The following DDX17 variants were observed in gnomAD, a reference collection of about 807,000 sequenced individuals.
DDX17 encodes DEAD-box helicase 17.
In DDX17, 10 loss-of-function variants were observed where a neutral mutation model predicts 80.8. That is an observed-to-expected ratio of 0.12 (90% confidence interval 0.08 to 0.21). The LOEUF (loss-of-function observed/expected upper bound fraction) is 0.21, where lower values mean the gene tolerates loss of function less well. Among genes scored for constraint, DDX17 ranks in the 10% least tolerant of loss-of-function variants. The pLI is 1.00. For missense variants in DDX17, 586 were observed against 957.4 expected, an observed-to-expected ratio of 0.61 and a Z score of 5.12; for synonymous variants, 339 against 336.2, an observed-to-expected ratio of 1.01 and a Z score of -0.09.
rs772961713 is a variant in DDX17, at chr22:38,499,505, G to GA, written c.439-7dup. 2.6e-5 allele frequency: 41 copies of GA among 1,572,196 alleles called. No individual in the cohort carries two copies. The highest frequency in any genetic ancestry group is 5.5e-5 in the African/African-American group (4 of 72,204). On this transcript the variant is annotated splice_region_variant and splice_polypyrimidine_tract_variant and intron_variant, in intron 2 of 12. Coordinates refer to ENST00000403230, the MANE Select transcript of DDX17 (RefSeq NM_006386.5). ...CGTAGCTCATCAACCTCATACTATTGAAAAAAAATGAAAGAAGTTAGTAAA... is the reference window on the plus strand; with the variant it reads ...CGTAGCTCATCAACCTCATACTATTGAAAAAAAAATGAAAGAAGTTAGTAAA...
chr22:38,501,482 T>C (rs767935090), intron 1 of DDX17, among the ~76,000 whole-genome samples: 2 of 152,184 alleles, frequency 1.3e-5, no homozygotes, highest in South Asian at 2.1e-4. Flanking sequence ...TGTTTATGAA[T>C]ATAGCTACAA....
At position 38,489,530 on chromosome 22, in the gene DDX17, A is replaced by G; in HGVS notation, c.1448-1415T>C. 1.0e-6 allele frequency: 1 copy of G among 984,912 alleles called. No individual in the cohort carries two copies. The highest frequency in any genetic ancestry group is 1.2e-6 in the Non-Finnish European group (1 of 829,398). The allele number at this position is 984,912 out of a possible 1,614,324, so 61.0% of individuals were successfully genotyped here. On this transcript the variant is annotated intron_variant, in intron 11 of 12. Transcript: ENST00000403230. This position sits in a 1 kb window ranked among gnomAD's most constrained non-coding sequence, Gnocchi z 4.6. Reference sequence around the variant, plus strand: ...ATAATTGGGGTGATTGTAGAAAAAAATAATTAATAAAAAAAAATGTAAGTT... The same window carrying G: ...ATAATTGGGGTGATTGTAGAAAAAAGTAATTAATAAAAAAAAATGTAAGTT...
rs900868414 is a variant in DDX17, at chr22:38,489,614, G to A, written c.1448-1499C>T. 6 of 984,900 alleles carry A rather than the reference G, an allele frequency of 6.1e-6. No individual in the cohort carries two copies. The African/African-American group carries it at 8.8e-5, about 14-fold the overall frequency. 61.0% of individuals were successfully genotyped at this position (984,900 alleles called of 1,614,324 possible). On this transcript the variant is annotated intron_variant, in intron 11 of 12. Coordinates refer to ENST00000403230, the MANE Select transcript of DDX17 (RefSeq NM_006386.5). This position sits in a 1 kb window ranked among gnomAD's most constrained non-coding sequence, Gnocchi z 4.6. Reference sequence around the variant, plus strand: ...GACTGGATTAATTTCAAGGGAGAAAGGGGAGATTAAAAAAAAAAAATTAGC... The same window carrying A: ...GACTGGATTAATTTCAAGGGAGAAAAGGGAGATTAAAAAAAAAAAATTAGC...
At chr22:38,486,586 A>G in intron 12 of DDX17, 146 bp from the exon 13 acceptor site, 2 of 1,242,826 alleles carry the variant, frequency 1.6e-6, no homozygotes, top group Middle Eastern at 2.7e-4. Context: ...TACTGTAAAA[A>G]TATACTCATA....
chr22:38,484,598 G>A lies in DDX17; in HGVS notation c.*1337C>T, dbSNP rs1436835353. On this transcript the variant is annotated 3_prime_UTR_variant, in exon 13 of 13. Coordinates refer to ENST00000403230, the MANE Select transcript of DDX17 (RefSeq NM_006386.5). ...GAAGGGGTTTCTGGGGCTGTCTGAT[G>A]TCCCTATCCTGTTGTAGTGAACACA... 2.0e-5 allele frequency: 3 copies of A among 152,206 alleles called. No individual in the cohort carries two copies. Among genetic ancestry groups the A allele is most frequent in the African/African-American group, 7.2e-5 (3 of 41,434 alleles). The allele number at this position is 152,206 out of a possible 1,614,324, so 9.4% of individuals were successfully genotyped here. A position where few individuals can be genotyped will look rare whatever the true frequency, so the allele number is the denominator to read the frequency against.
intron 1 of DDX17, 145 bp downstream of exon 1, chr22:38,505,802 GCGCA>G: frequency 9.7e-7 from 1 of 1,035,422 alleles, no homozygotes; most frequent in Non-Finnish European, 1.4e-6. Flanking sequence ...GCCGAGGTCC[GCGCA>G]CGAAACCGCT....
chr22:38,489,831 G>C lies in DDX17; in HGVS notation c.1448-1716C>G. ...AAGGAAAAAAGAATTTACAGGGCCA[G>C]GGTGGATGTAAGACAGGGGGTGGGG... On this transcript the variant is annotated intron_variant, in intron 11 of 12. Coordinates refer to ENST00000403230, the MANE Select transcript of DDX17 (RefSeq NM_006386.5). The surrounding 1 kb of genome is among the most constrained non-coding windows in gnomAD (Gnocchi z 4.6). 5.1e-6 allele frequency: 5 copies of C among 985,912 alleles called. No individual in the cohort carries two copies. The highest frequency in any genetic ancestry group is 6.0e-6 in the Non-Finnish European group (5 of 830,312). The allele number at this position is 985,912 out of a possible 1,614,324, so 61.1% of individuals were successfully genotyped here. A position where few individuals can be genotyped will look rare whatever the true frequency, so the allele number is the denominator to read the frequency against.
At chr22:38,502,348 A>G (rs1038719073) in intron 1 of DDX17, among the ~76,000 whole-genome samples, 2 of 147,332 alleles carry the variant, frequency 1.4e-5, no homozygotes, top group South Asian at 4.4e-4. Context: ...CGGAAGGCGG[A>G]GGTTGCAGTG....
intron 1 of DDX17, 146 bp from the exon 2 acceptor site, chr22:38,501,426 T>C (rs1025863669): frequency 9.8e-7 from 1 of 1,022,398 alleles, no homozygotes; most frequent in African/African-American, 1.7e-5. Flanking sequence ...GATTTAAAGG[T>C]ATGGAGAAAT....
Position 38,498,150 on chromosome 22 carries a change from A to C in DDX17, c.673T>G (p.Tyr225Asp), listed in dbSNP as rs2089789169. The C allele has an allele frequency of 6.2e-7, 1 of 1,613,912 alleles. No individual in the cohort carries two copies. Among genetic ancestry groups the C allele is most frequent in the African/African-American group, 1.3e-5 (1 of 74,930 alleles). Reference sequence around the variant, plus strand: ...ATATGAACAATTGCAGGCAGGAGATACTGTGGAGGGGGGAAAGAATGACAA... The same window carrying C: ...ATATGAACAATTGCAGGCAGGAGATCCTGTGGAGGGGGGAAAGAATGACAA... The change falls in exon 5 of 13, where the codon TAT (tyrosine) becomes GAT (aspartate). Residue 225 changes from tyrosine to aspartate, a missense_variant and splice_region_variant. By Grantham distance (160) the Tyr-to-Asp change is radical. Coordinates refer to ENST00000403230, the MANE Select transcript of DDX17 (RefSeq NM_006386.5).
rs775952496 is a variant in DDX17, at chr22:38,499,383, G to C, written c.538+17C>G. ...CCCAATTTAACAAATTAAGGTTCTA[G>C]ATTGAAGAACACTTACGTGGGAAGT... On this transcript the variant is annotated intron_variant, in intron 3 of 12. Transcript: ENST00000403230. 1.3e-6 allele frequency: 2 copies of C among 1,596,366 alleles called. No individual in the cohort carries two copies. Among genetic ancestry groups the C allele is most frequent in the Non-Finnish European group, 1.7e-6 (2 of 1,163,908 alleles).
intron 2 of DDX17, among the ~76,000 whole-genome samples, chr22:38,500,119 T>C (rs2089812573): frequency 6.9e-6 from 1 of 145,350 alleles, no homozygotes; most frequent in East Asian, 2.1e-4. Flanking sequence ...GAGGTTGCAG[T>C]GAGCCAAGAT....
At chr22:38,505,716 G>A in intron 1 of DDX17, 3 of 519,948 alleles carry the variant, frequency 5.8e-6, no homozygotes, top group Non-Finnish European at 9.9e-6. Flanking sequence ...GCCGGGCCGC[G>A]CCACGACGGC....
chr22:38,499,325 G>T, intron 3 of DDX17, 75 bp downstream of exon 3: 1 of 1,133,542 alleles, frequency 8.8e-7, no homozygotes, highest in Non-Finnish European at 1.3e-6. Flanking sequence ...CTGGCTCAAA[G>T]AGTTTAACCT....
chr22:38,491,174 G>A (rs1295456754), intron 11 of DDX17: 1 of 152,270 alleles, frequency 6.6e-6, no homozygotes, highest in Non-Finnish European at 1.5e-5. Flanking sequence ...GGAATGATGA[G>A]TGCAATGCAT....
chr22:38,500,942 G>A (rs1459658151), intron 2 of DDX17, among the ~76,000 whole-genome samples, 188 bp downstream of exon 2: 1 of 145,686 alleles, frequency 6.9e-6, no homozygotes, highest in African/African-American at 2.5e-5. Flanking sequence ...ACCAGCCTGG[G>A]GAATATGGCG....
At chr22:38,494,512 G>C (rs2089742654) in intron 8 of DDX17, 118 bp downstream of exon 8, 2 of 867,228 alleles carry the variant, frequency 2.3e-6, no homozygotes, top group Non-Finnish European at 3.5e-6. Context: ...CAGAAACCTA[G>C]CAATGCTTTT....
chr22:38,506,311 C>A lies in DDX17; in HGVS notation c.-74G>T. ...CCTTCCCAGCGACTGCACAAAATGG[C>A]GGCCGCCGCTGAGTCGGCTCCAACT... On this transcript the variant is annotated 5_prime_UTR_variant, in exon 1 of 13. Transcript: ENST00000403230. 6.8e-7 allele frequency: 1 copy of A among 1,468,600 alleles called. No individual in the cohort carries two copies. Among genetic ancestry groups the A allele is most frequent in the Non-Finnish European group, 9.0e-7 (1 of 1,109,054 alleles). The allele number at this position is 1,468,600 out of a possible 1,614,324, so 91.0% of individuals were successfully genotyped here. A position where few individuals can be genotyped will look rare whatever the true frequency, so the allele number is the denominator to read the frequency against.
chr22:38,506,054 G>A lies in DDX17; in HGVS notation c.184C>T (p.Leu62Phe), dbSNP rs897680881. The A allele has an allele frequency of 2.4e-5, 38 of 1,585,348 alleles. No homozygotes were observed. Among genetic ancestry groups the A allele is most frequent in the Admixed American group, 3.7e-5 (2 of 54,412 alleles). The change falls in exon 1 of 13, where the codon CTC becomes TTC. Residue 62 changes from leucine to phenylalanine, a missense_variant. Around this residue, in one of 4 missense-constraint regions of DDX17, gnomAD observed 215 missense variants for 238.4 expected, o/e 0.90. Transcript: ENST00000403230. Reference sequence around the variant, plus strand: ...GGGGCACGGATGGCCGGGCTCGGGAGGGCCTGCGGCTCCGGTCTGGTGACG... The same window carrying A: ...GGGGCACGGATGGCCGGGCTCGGGAAGGCCTGCGGCTCCGGTCTGGTGACG...
Sources: gnomAD v4.1 joint callset for allele counts (sites outside exome capture counted in the v4.1 genomes callset) on GRCh38, gnomAD v4.1.1 for gene constraint, gnomAD v4.1.1 regional missense constraint, Gnocchi (gnomAD v3.1) non-coding constraint, MANE v1.5 for transcripts, NCBI Gene and HGNC (gene_info 2026-07-23, HGNC 2026-07-21) for gene names.